The following PPARGC1A variants were observed in gnomAD, a reference collection of about 807,000 sequenced individuals.
The protein encoded by PPARGC1A is PPARG coactivator 1 alpha, also known as peroxisome proliferator-activated receptor gamma coactivator 1-alpha.
A neutral mutation model predicts 88.7 loss-of-function variants in PPARGC1A; 25 were observed. The observed-to-expected ratio is 0.28, with a 90% CI of 0.21 to 0.39. The LOEUF (loss-of-function observed/expected upper bound fraction) is 0.39, where lower values mean the gene tolerates loss of function less well. Among genes scored for constraint, PPARGC1A ranks in the 10% least tolerant of loss-of-function variants. The pLI, the probability that PPARGC1A is intolerant of heterozygous loss-of-function variation, is 1.00. For missense variants in PPARGC1A, 880 were observed against 968.7 expected (o/e 0.91, Z 1.22); for synonymous variants, 363 against 355.6 (o/e 1.02, Z -0.24).
At chr4:24,162,998 C>A in the PPARGC1A span, among the ~76,000 whole-genome samples, 1 of 151,448 alleles carries the variant, frequency 6.6e-6, no homozygotes, top group Non-Finnish European at 1.5e-5. Flanking sequence ...AAAACAAACA[C>A]CAAGTATTTT....
chr4:23,886,398 G>GT (rs1220950144), intron 1 of PPARGC1A, among the ~76,000 whole-genome samples: 1 of 152,196 alleles, frequency 6.6e-6, no homozygotes, highest in African/African-American at 2.4e-5. Context: ...ACGCTGAGAA[G>GT]TAAGTACTGG....
the PPARGC1A span, among the ~76,000 whole-genome samples, chr4:24,093,636 C>A: frequency 1.3e-5 from 2 of 152,202 alleles, no homozygotes; most frequent in African/African-American, 4.8e-5. Flanking sequence ...CCCCATTTCC[C>A]TAAATCCTTA....
At chr4:24,392,736 CA>C in the PPARGC1A span, among the ~76,000 whole-genome samples, 1 of 152,106 alleles carries the variant, frequency 6.6e-6, no homozygotes, top group African/African-American at 2.4e-5. Context: ...GTAGCAGAAT[CA>C]GACTTCTTTC....
At chr4:24,115,614 G>A in the PPARGC1A span, among the ~76,000 whole-genome samples, 12 of 152,126 alleles carry the variant, frequency 7.9e-5, no homozygotes, top group Admixed American at 1.3e-4. Context: ...AGATGGCAGC[G>A]TACCTAGGAA....
At chr4:24,049,652 T>G in the PPARGC1A span, among the ~76,000 whole-genome samples, 11 of 152,244 alleles carry the variant, frequency 7.2e-5, 1 homozygote, top group East Asian at 1.4e-3. Context: ...ACTATTTTCC[T>G]TTAACTTTGC....
At chr4:24,198,769 G>T in the PPARGC1A span, among the ~76,000 whole-genome samples, 1 of 152,158 alleles carries the variant, frequency 6.6e-6, no homozygotes, top group Admixed American at 6.5e-5. Flanking sequence ...CCAATAAAGG[G>T]CAGAAGCTGA....
the PPARGC1A span, among the ~76,000 whole-genome samples, chr4:24,378,819 T>C: frequency 6.6e-6 from 1 of 152,194 alleles, no homozygotes; most frequent in Non-Finnish European, 1.5e-5. Flanking sequence ...GAAGTTCTCT[T>C]AGCAACCCTC....
the PPARGC1A span, among the ~76,000 whole-genome samples, chr4:24,232,369 A>G: frequency 6.6e-6 from 1 of 152,176 alleles, no homozygotes; most frequent in Non-Finnish European, 1.5e-5. Flanking sequence ...CTCCACTGTC[A>G]CCGCTTTGCC....
chr4:23,900,253 A>G (rs145555107), upstream of PPARGC1A, among the ~76,000 whole-genome samples: 539 of 152,296 alleles, frequency 3.5e-3, 3 homozygotes, highest in Middle Eastern at 0.014. Flanking sequence ...TTACAACTCT[A>G]AAATTTTAGT....
At chr4:24,439,732 AC>A in the PPARGC1A span, among the ~76,000 whole-genome samples, 639 of 152,306 alleles carry the variant, frequency 4.2e-3, 5 homozygotes, top group Non-Finnish European at 6.3e-3. Context: ...TTCTGTTATA[AC>A]CACTCTGATC....
chr4:24,447,076 C>G, the PPARGC1A span, among the ~76,000 whole-genome samples: 1 of 152,138 alleles, frequency 6.6e-6, no homozygotes, highest in Non-Finnish European at 1.5e-5. Flanking sequence ...TTAGAGACAC[C>G]CTGGAATTCT....
At chr4:23,965,843 A>G in the PPARGC1A span, among the ~76,000 whole-genome samples, 1 of 152,214 alleles carries the variant, frequency 6.6e-6, no homozygotes, top group Non-Finnish European at 1.5e-5. Context: ...CATCTTCCAT[A>G]AATTTGACAT....
At chr4:23,961,268 G>A in the PPARGC1A span, among the ~76,000 whole-genome samples, 7 of 152,022 alleles carry the variant, frequency 4.6e-5, no homozygotes, top group African/African-American at 1.2e-4. Context: ...CACTGCACTC[G>A]AAAGAAGAAG....
the PPARGC1A span, among the ~76,000 whole-genome samples, chr4:24,068,017 T>C: frequency 1.3e-5 from 2 of 152,286 alleles, no homozygotes; most frequent in South Asian, 4.1e-4. Flanking sequence ...TGTGTGTGTG[T>C]GCATGTGTGT....
At chr4:24,047,742 C>T in the PPARGC1A span, among the ~76,000 whole-genome samples, 4 of 152,166 alleles carry the variant, frequency 2.6e-5, no homozygotes. Flanking sequence ...AGCAAGTAAA[C>T]CAGGCCTATC....
chr4:23,844,406 TATA>T (rs1479264369), intron 2 of PPARGC1A, among the ~76,000 whole-genome samples: 111 of 126,468 alleles, frequency 8.8e-4, no homozygotes, highest in African/African-American at 2.7e-3. Context: ...TTATTTATCA[TATA>T]ATAATATATA....
the PPARGC1A span, among the ~76,000 whole-genome samples, chr4:24,436,157 A>G: frequency 6.6e-6 from 1 of 152,260 alleles, no homozygotes; most frequent in Admixed American, 6.5e-5. Context: ...GATAAAAGTG[A>G]AGCCGGTGAG....
At position 23,792,821 on chromosome 4, in the gene PPARGC1A, T is replaced by C. The variant is rs1716877055; in HGVS notation, c.*3001A>G. The C allele has an allele frequency of 6.6e-6, 1 of 152,522 alleles. No individual in the cohort carries two copies. The highest frequency in any genetic ancestry group is 1.9e-4 in the East Asian group (1 of 5,182). The allele number at this position is 152,522 out of a possible 1,614,324, so 9.4% of individuals were successfully genotyped here. On this transcript the variant is annotated 3_prime_UTR_variant, in exon 13 of 13. Coordinates refer to ENST00000264867, the MANE Select transcript of PPARGC1A (RefSeq NM_013261.5). ...AAATAAAAATGAGAGGAGCACAGCT[T>C]ACATTTTGATGGGCTACCCACAGTG...
the PPARGC1A span, among the ~76,000 whole-genome samples, chr4:24,189,840 C>A: frequency 6.6e-6 from 1 of 152,130 alleles, no homozygotes; most frequent in African/African-American, 2.4e-5. Flanking sequence ...CACCAGACTG[C>A]CCTGAGCTCC....
Sources: allele counts gnomAD v4.1 joint callset (sites outside exome capture counted in the v4.1 genomes callset), GRCh38; gene constraint gnomAD v4.1.1; transcripts MANE v1.5; gene names NCBI Gene and HGNC (gene_info 2026-07-23, HGNC 2026-07-21).